The following NRG4 variants were observed in gnomAD, a reference collection of about 807,000 sequenced individuals.
NRG4 encodes pro-neuregulin-4, membrane-bound isoform.
A neutral mutation model predicts 15.0 loss-of-function variants in NRG4; 10 were observed. The observed-to-expected ratio is 0.67, with a 90% CI of 0.41 to 1.13. NRG4 has a LOEUF of 1.13. Ranked by LOEUF, NRG4 falls within the 50% of genes most tolerant of loss-of-function variation. The probability of loss-of-function intolerance (pLI) is 0.00; values close to 1 mark genes in which losing one functional copy is unlikely to be tolerated. For synonymous variants in NRG4, 41 were observed against 50.1 expected (o/e 0.82, Z 0.77); for missense variants, 139 against 140.2 (o/e 0.99, Z 0.04).
chr15:75,993,387 T>G (rs542513336), intron 3 of NRG4, among the ~76,000 whole-genome samples: 1 of 132,780 alleles, frequency 7.5e-6, no homozygotes, highest in South Asian at 2.3e-4. Context: ...TCACTGAGGA[T>G]TCTGTAAAAA....
chr15:76,006,446 T>A (rs1357009840), intron 3 of NRG4, among the ~76,000 whole-genome samples: 2 of 152,232 alleles, frequency 1.3e-5, no homozygotes, highest in Admixed American at 1.3e-4. Flanking sequence ...TGCCATTCAA[T>A]GTTACTGAAC....
chr15:75,962,662 C>A (rs978873729), intron 3 of NRG4, among the ~76,000 whole-genome samples: 1 of 152,208 alleles, frequency 6.6e-6, no homozygotes, highest in East Asian at 1.9e-4. Context: ...AACTATATAA[C>A]AAAGAACCAT....
At chr15:76,046,297 A>G (rs2035867886) in intron 4 of NRG4, among the ~76,000 whole-genome samples, 2 of 151,342 alleles carry the variant, frequency 1.3e-5, no homozygotes, top group African/African-American at 4.9e-5. Context: ...TACAGATTCA[A>G]TGCAATCTCT....
At chr15:76,044,140 A>T (rs368083942) in intron 4 of NRG4, among the ~76,000 whole-genome samples, 2 of 151,144 alleles carry the variant, frequency 1.3e-5, no homozygotes, top group Non-Finnish European at 2.9e-5. Flanking sequence ...TGGGACTACA[A>T]GCGCCCGCCA....
intron 5 of NRG4, among the ~76,000 whole-genome samples, chr15:76,034,095 C>T (rs1031982339): frequency 2.6e-5 from 4 of 152,200 alleles, no homozygotes; most frequent in Non-Finnish European, 4.4e-5. Flanking sequence ...CCAATTACTG[C>T]AAACAGCTTT....
intron 3 of NRG4, among the ~76,000 whole-genome samples, chr15:75,998,175 T>A (rs1476186265): frequency 6.6e-6 from 1 of 152,192 alleles, no homozygotes; most frequent in Non-Finnish European, 1.5e-5. Flanking sequence ...GAAAACCTAC[T>A]CTATGCTTGT....
intron 3 of NRG4, among the ~76,000 whole-genome samples, chr15:75,996,128 T>C (rs2034205363): frequency 6.6e-6 from 1 of 152,196 alleles, no homozygotes. Context: ...TATATCATCA[T>C]ACATTAACAA....
At chr15:76,038,666 C>T (rs1663643934) in intron 4 of NRG4, among the ~76,000 whole-genome samples, 1 of 152,206 alleles carries the variant, frequency 6.6e-6, no homozygotes, top group African/African-American at 2.4e-5. Flanking sequence ...TCTGGACCTG[C>T]CCAGGGCCTG....
chr15:75,942,157 G>A lies in NRG4; in HGVS notation c.*1481C>T, dbSNP rs2031053262. ...AGACTGGTTGCCAGAGGTTCAGTGGGAGAGAGGGAGGGGTAAATACATGGA... is the reference window on the plus strand; with the variant it reads ...AGACTGGTTGCCAGAGGTTCAGTGGAAGAGAGGGAGGGGTAAATACATGGA... On this transcript the variant is annotated 3_prime_UTR_variant, in exon 6 of 6. Transcript: ENST00000394907. 1 of 152,120 alleles carries A rather than the reference G, an allele frequency of 6.6e-6. No homozygotes were observed. Among genetic ancestry groups the A allele is most frequent in the African/African-American group, 2.4e-5 (1 of 41,510 alleles). The allele number at this position is 152,120 out of a possible 1,614,324, so 9.4% of individuals were successfully genotyped here.
intron 5 of NRG4, among the ~76,000 whole-genome samples, chr15:76,018,239 A>G (rs1415364323): frequency 6.6e-6 from 1 of 151,596 alleles, no homozygotes; most frequent in Non-Finnish European, 1.5e-5. Flanking sequence ...ACCTTTTTTC[A>G]TGGTTCTTAG....
chr15:75,986,290 A>G (rs750303635), intron 3 of NRG4, among the ~76,000 whole-genome samples: 10 of 152,324 alleles, frequency 6.6e-5, no homozygotes, highest in Non-Finnish European at 1.5e-4. Flanking sequence ...ATGTCTACCA[A>G]AATTAATATG....
intron 5 of NRG4, among the ~76,000 whole-genome samples, chr15:76,028,288 AT>A (rs1240795369): frequency 1.3e-5 from 2 of 152,070 alleles, no homozygotes; most frequent in African/African-American, 4.8e-5. Flanking sequence ...GAAAACCCAA[AT>A]TAAAAAAAAT....
intron 3 of NRG4, among the ~76,000 whole-genome samples, chr15:76,003,678 A>G (rs1482160243): frequency 1.3e-5 from 2 of 152,210 alleles, no homozygotes; most frequent in Admixed American, 6.5e-5. Flanking sequence ...GAATCCTGAA[A>G]GCAGCAAGAA....
chr15:75,969,836 A>C (rs911110258), intron 3 of NRG4, among the ~76,000 whole-genome samples: 14 of 152,236 alleles, frequency 9.2e-5, no homozygotes, highest in African/African-American at 3.4e-4. Context: ...TGCATAGCTA[A>C]ACAGAGGAGT....
intron 3 of NRG4, among the ~76,000 whole-genome samples, chr15:76,003,829 A>G (rs1242699265): frequency 6.6e-6 from 1 of 152,210 alleles, no homozygotes; most frequent in Non-Finnish European, 1.5e-5. Flanking sequence ...CCAAGAATCC[A>G]ATATCCAACA....
upstream of NRG4, chr15:76,059,840 G>C (rs1045917067): frequency 6.9e-6 from 1 of 145,418 alleles, no homozygotes; most frequent in South Asian, 2.1e-4. Context: ...GCGCAGGCGC[G>C]GGCTCGGCCA....
At chr15:75,960,015 T>G (rs1323892290) in intron 4 of NRG4, among the ~76,000 whole-genome samples, 1 of 152,150 alleles carries the variant, frequency 6.6e-6, no homozygotes, top group African/African-American at 2.4e-5. Flanking sequence ...CCATACTAAT[T>G]ACCTACAATA....
At chr15:76,059,108 G>A (rs1018064199) in intron 1 of NRG4, among the ~76,000 whole-genome samples, 4 of 152,306 alleles carry the variant, frequency 2.6e-5, no homozygotes, top group African/African-American at 7.2e-5. Flanking sequence ...GGTCGACAGT[G>A]TATCTGCGGT....
chr15:75,951,682 C>G (rs1418684078), intron 5 of NRG4, among the ~76,000 whole-genome samples: 1 of 152,146 alleles, frequency 6.6e-6, no homozygotes, highest in Non-Finnish European at 1.5e-5. Flanking sequence ...TGACGTACTG[C>G]TTGACATTCA....
Sources: allele counts gnomAD v4.1 joint callset (sites outside exome capture counted in the v4.1 genomes callset), GRCh38; gene constraint gnomAD v4.1.1; transcripts MANE v1.5; gene names NCBI Gene and HGNC (gene_info 2026-07-23, HGNC 2026-07-21).